PFKM: variants seen among roughly 807,000 people sequenced by gnomAD.
The protein encoded by PFKM is ATP-dependent 6-phosphofructokinase, muscle type.
In PFKM, 58 loss-of-function variants were observed where a neutral mutation model predicts 95.5. That is an observed-to-expected ratio of 0.61 (90% CI 0.49 to 0.76). PFKM has a LOEUF of 0.76. Among genes scored for constraint, PFKM ranks in the 30% least tolerant of loss-of-function variants. PFKM has a pLI of 0.00. For missense variants in PFKM, 678 were observed against 1,005.4 expected, an observed-to-expected ratio of 0.67 and a Z score of 4.40; for synonymous variants, 336 against 357.2, an observed-to-expected ratio of 0.94 and a Z score of 0.67.
chr12:48,131,487 G>T, intron 4 of PFKM, 94 bp downstream of exon 4: 1 of 902,586 alleles, frequency 1.1e-6, no homozygotes. Context: ...TCCCTGTCAT[G>T]TGGTTTCATG....
At chr12:48,122,146 A>G (rs1948352496) in intron 1 of PFKM, among the ~76,000 whole-genome samples, 2 of 152,228 alleles carry the variant, frequency 1.3e-5, no homozygotes, top group Admixed American at 1.3e-4. Context: ...GGGAAGAGCC[A>G]TAGAAAGCCC....
At chr12:48,133,111 G>T in intron 5 of PFKM, 54 bp downstream of exon 5, 2 of 1,514,026 alleles carry the variant, frequency 1.3e-6, no homozygotes, top group Non-Finnish European at 1.8e-6. Flanking sequence ...GTGCACGCGT[G>T]TACACACACA....
rs888929546 is a variant in PFKM at position 48,134,267 on chromosome 12, G to A, written c.629G>A (p.Arg210His). The A allele has an allele frequency of 5.6e-6, 9 of 1,613,408 alleles. No homozygotes were observed. The highest frequency in any genetic ancestry group is 2.2e-5 in the South Asian group (2 of 91,072). The change falls in exon 7 of 23, where the codon CGC becomes CAC. Residue 210 changes from arginine (R) to histidine (H), a missense_variant. Transcript: ENST00000359794. ...ACATTTGTGTTAGAAGTAATGGGCC[G>A]CCACTGTGGGTAAGATCCTCATTCT... is the stretch of plus-strand genomic sequence containing the variant. ...QRTFVLEVMG[R>H]HCGYLALVTS...
intron 1 of PFKM, among the ~76,000 whole-genome samples, chr12:48,121,719 G>A (rs1319569746): frequency 6.6e-6 from 1 of 152,110 alleles, no homozygotes; most frequent in Non-Finnish European, 1.5e-5. Context: ...ACAAGCACAG[G>A]GAAACCAGCT....
intron 10 of PFKM, among the ~76,000 whole-genome samples, chr12:48,135,951 C>T (rs957854352): frequency 4.6e-5 from 7 of 151,900 alleles, no homozygotes; most frequent in Admixed American, 2.6e-4. Flanking sequence ...TGCAATGGTG[C>T]GACCTTGGCT....
chr12:48,137,533 T>C (rs1950209373), intron 10 of PFKM, 188 bp from the exon 11 acceptor site: 1 of 655,560 alleles, frequency 1.5e-6, no homozygotes, highest in Non-Finnish European at 2.7e-6. Flanking sequence ...ATGGCAAGAA[T>C]ACAGAGTCAT....
intron 18 of PFKM, 127 bp from the exon 19 acceptor site, chr12:48,143,626 G>A: frequency 5.3e-6 from 4 of 760,998 alleles, no homozygotes; most frequent in Non-Finnish European, 2.4e-6. Flanking sequence ...CACAGTTCAG[G>A]CCCAGGATTG....
At chr12:48,120,870 G>T (rs995335944) in intron 1 of PFKM, among the ~76,000 whole-genome samples, 1 of 152,204 alleles carries the variant, frequency 6.6e-6, no homozygotes, top group East Asian at 1.9e-4. Context: ...ACATAAAGCA[G>T]GCCGAGCATG....
At chr12:48,123,269 T>G (rs1425095568) in intron 2 of PFKM, among the ~76,000 whole-genome samples, 1 of 152,146 alleles carries the variant, frequency 6.6e-6, no homozygotes, top group African/African-American at 2.4e-5. Context: ...CTTCAGGTAT[T>G]AACTCTGATG....
At chr12:48,113,024 C>G (rs778080587) in intron 3 of PFKM, among the ~76,000 whole-genome samples, 1 of 151,978 alleles carries the variant, frequency 6.6e-6, no homozygotes, top group Non-Finnish European at 1.5e-5. Flanking sequence ...AGACTTTGAA[C>G]TGGGAAAAAA....
intron 1 of PFKM, 164 bp downstream of exon 1, chr12:48,119,570 G>C (rs1947987908): frequency 4.6e-6 from 1 of 218,602 alleles, no homozygotes; most frequent in Non-Finnish European, 7.6e-6. Flanking sequence ...GGGCAGTCGT[G>C]AAGGATCCTA....
intron 3 of PFKM, among the ~76,000 whole-genome samples, chr12:48,113,974 A>G (rs1362755894): frequency 6.6e-6 from 1 of 152,040 alleles, no homozygotes; most frequent in African/African-American, 2.4e-5. Context: ...TAGTTTCTTT[A>G]AGTTTGTCAT....
chr12:48,139,860 A>G lies in PFKM; in HGVS notation c.1139A>G (p.Asn380Ser). The change falls in exon 13 of 23, where the codon AAC (asparagine) becomes AGC (serine). Residue 380 changes from asparagine to serine, a missense_variant. By Grantham distance (46) the Asn-to-Ser change is conservative (BLOSUM62 1). Coordinates refer to ENST00000359794, the MANE Select transcript of PFKM (RefSeq NM_000289.6). ...ALKLRGRSFMNNWEVYKLLAH... is the reference protein window; with the variant it reads ...ALKLRGRSFMSNWEVYKLLAH... ...TGTACTTCCTACAGGAGCTTCATGA[A>G]CAACTGGGAGGTGTACAAGCTTCTA... The G allele has an allele frequency of 6.2e-7, 1 of 1,611,268 alleles. No individual in the cohort carries two copies. Among genetic ancestry groups the G allele is most frequent in the Non-Finnish European group, 8.5e-7 (1 of 1,177,406 alleles).
intron 12 of PFKM, 182 bp downstream of exon 12, chr12:48,139,531 G>T: frequency 1.5e-6 from 1 of 657,940 alleles, no homozygotes; most frequent in South Asian, 1.7e-5. Context: ...GTTCATCTCA[G>T]GGGTGTGGTC....
At chr12:48,109,292 C>T (rs1225705604) in intron 3 of PFKM, among the ~76,000 whole-genome samples, 1 of 152,078 alleles carries the variant, frequency 6.6e-6, no homozygotes, top group African/African-American at 2.4e-5. Context: ...CTGCTCAGAG[C>T]CAGCTTTTCT....
rs777774680 is a variant in PFKM at position 48,145,344 on chromosome 12, C to A, written c.2198+29C>A. On this transcript the variant is annotated intron_variant, in intron 22 of 22. Transcript: ENST00000359794. The surrounding 1 kb of genome is among the most constrained non-coding windows in gnomAD (Gnocchi z 4.3). ...AGTACATCTGCTTCCTGGAGTGGTT[C>A]TTTTCCCTGGTAGTTTCAAGCTCTA... The A allele has an allele frequency of 5.1e-6, 8 of 1,560,996 alleles. No homozygotes were observed. The highest frequency in any genetic ancestry group is 3.3e-5 in the South Asian group (3 of 89,998).
chr12:48,135,352 G>A lies in PFKM; in HGVS notation c.905G>A (p.Gly302Asp). 6.2e-7 allele frequency: 1 copy of A among 1,614,064 alleles called. No individual in the cohort carries two copies. The highest frequency in any genetic ancestry group is 8.5e-7 in the Non-Finnish European group (1 of 1,179,890). ...RVTVLGHVQRGGTPSAFDRIL... is the reference protein window; with the variant it reads ...RVTVLGHVQRDGTPSAFDRIL... Reference sequence around the variant, plus strand: ...ACTGTCTTGGGGCATGTGCAGAGGGGTGGGACGCCATCAGCCTTTGACAGA... The same window carrying A: ...ACTGTCTTGGGGCATGTGCAGAGGGATGGGACGCCATCAGCCTTTGACAGA... Residue 302 changes from glycine (G) to aspartate (D), a missense_variant, in exon 10 of 23, where the codon GGT becomes GAT. Coordinates refer to ENST00000359794, the MANE Select transcript of PFKM (RefSeq NM_000289.6).
intron 4 of PFKM, chr12:48,131,860 C>T (rs1257691859): frequency 2.7e-6 from 1 of 367,046 alleles, no homozygotes; most frequent in African/African-American, 2.1e-5. Flanking sequence ...CTAAGAGTAT[C>T]CTGAGGATTT....
At chr12:48,110,325 C>T (rs918970241) in intron 3 of PFKM, among the ~76,000 whole-genome samples, 1 of 152,086 alleles carries the variant, frequency 6.6e-6, no homozygotes, top group Non-Finnish European at 1.5e-5. Flanking sequence ...CCTTCTAGGT[C>T]TTATGGACAC....
Sources: gnomAD v4.1 joint callset for allele counts (sites outside exome capture counted in the v4.1 genomes callset) on GRCh38, gnomAD v4.1.1 for gene constraint, Gnocchi (gnomAD v3.1) non-coding constraint, MANE v1.5 for transcripts, NCBI Gene and HGNC (gene_info 2026-07-23, HGNC 2026-07-21) for gene names.